Variants in AGPAT3 observed in about 807,000 individuals in gnomAD.
AGPAT3 encodes 1-acyl-sn-glycerol-3-phosphate acyltransferase gamma.
A neutral mutation model predicts 47.3 loss-of-function variants in AGPAT3; 5 were observed. The ratio of observed to expected loss-of-function variants is 0.11; its 90% CI spans 0.06 to 0.22. AGPAT3 has a LOEUF of 0.22. AGPAT3 is among the 10% of genes least tolerant of loss of function. The pLI, the probability that AGPAT3 is intolerant of heterozygous loss-of-function variation, is 1.00. For missense variants in AGPAT3, 315 were observed against 493.0 expected (o/e 0.64, Z 3.42); for synonymous variants, 212 against 208.3 (o/e 1.02, Z -0.15).
rs2030364197 is a variant in AGPAT3, at chr21:43,986,987, C to G, written c.*4595C>G. Among the ~76,000 whole-genome samples the G allele has an allele frequency of 6.6e-6, 1 of 152,224 alleles. No individual in the cohort carries two copies. The highest frequency in any genetic ancestry group is 2.1e-4 in the South Asian group (1 of 4,832). On this transcript the variant is annotated 3_prime_UTR_variant, in exon 10 of 10. Coordinates refer to ENST00000291572, the MANE Select transcript of AGPAT3 (RefSeq NM_020132.5). ...TGTCCCAAAGGCCTGGCTGCGTTTG[C>G]CGTGCTGTGCGAGGACCTGTGTACA...
chr21:43,957,661 G>A (rs1208879596), intron 2 of AGPAT3, among the ~76,000 whole-genome samples: 2 of 147,206 alleles, frequency 1.4e-5, no homozygotes, highest in South Asian at 2.2e-4. Context: ...CCCTCCACAC[G>A]GGGGTCTCGG....
Position 43,908,389 on chromosome 21 carries a change from C to T in AGPAT3, c.-49+4370C>T, listed in dbSNP as rs757845814. Among the ~76,000 whole-genome samples the T allele has an allele frequency of 2.6e-5, 4 of 152,186 alleles. No individual in the cohort carries two copies. Among genetic ancestry groups the T allele is most frequent in the African/African-American group, 7.2e-5 (3 of 41,438 alleles). On this transcript the variant is annotated intron_variant, in intron 2 of 9. Coordinates refer to ENST00000291572, the MANE Select transcript of AGPAT3 (RefSeq NM_020132.5). This position sits in a 1 kb window ranked among gnomAD's most constrained non-coding sequence, Gnocchi z 4.9. Reference sequence around the variant, plus strand: ...GTGTTGAGCCCCGGCCCTTCTCGATCAGAAAGGAGGTGTCCCGATCAGGGG... The same window carrying T: ...GTGTTGAGCCCCGGCCCTTCTCGATTAGAAAGGAGGTGTCCCGATCAGGGG...
intron 2 of AGPAT3, among the ~76,000 whole-genome samples, chr21:43,924,487 A>G (rs894756349): frequency 3.9e-5 from 6 of 152,212 alleles, no homozygotes; most frequent in African/African-American, 1.4e-4. Context: ...ACAGCTCCCC[A>G]GGTCCGCTCC....
At chr21:43,973,304 G>A (rs564437387) in intron 7 of AGPAT3, among the ~76,000 whole-genome samples, 5 of 152,224 alleles carry the variant, frequency 3.3e-5, no homozygotes, top group African/African-American at 1.2e-4. Context: ...GGCCCTGGAC[G>A]GTCCAGATGG....
chr21:43,921,918 G>T (rs1466901017), intron 2 of AGPAT3, among the ~76,000 whole-genome samples: 2 of 152,086 alleles, frequency 1.3e-5, no homozygotes, highest in African/African-American at 4.8e-5. Context: ...CAAGGTGTGG[G>T]GTGAGTGTGG....
Position 43,922,933 on chromosome 21 carries a change from G to A in AGPAT3, c.-49+18914G>A, listed in dbSNP as rs1197249535. ...GGGGCGCCTGTCCCCAGCGGGGCGG[G>A]CTCTGGGGTGCGAGCGTCTGTTCTG... On this transcript the variant is annotated intron_variant, in intron 2 of 9. Transcript: ENST00000291572. This position sits in a 1 kb window ranked among gnomAD's most constrained non-coding sequence, Gnocchi z 4.9. 6.6e-6 allele frequency among the ~76,000 whole-genome samples: 1 copy of A among 152,230 alleles called. No individual in the cohort carries two copies. The highest frequency in any genetic ancestry group is 1.5e-5 in the Non-Finnish European group (1 of 68,028).
At chr21:43,898,096 G>C (rs1177926885) in intron 1 of AGPAT3, among the ~76,000 whole-genome samples, 1 of 152,160 alleles carries the variant, frequency 6.6e-6, no homozygotes, top group Non-Finnish European at 1.5e-5. Context: ...GTCCAGCCTC[G>C]GTAACAGAGG....
chr21:43,970,865 C>CT lies in AGPAT3; in HGVS notation c.664+62dup. On this transcript the variant is annotated intron_variant, in intron 6 of 9. Coordinates refer to ENST00000291572, the MANE Select transcript of AGPAT3 (RefSeq NM_020132.5). This position sits in a 1 kb window ranked among gnomAD's most constrained non-coding sequence, Gnocchi z 5.8. ...CTATGCTCACGGAAAATAGTGATTTCTTTAAAAAAAAAAAAAATGAGTGCA... is the reference window on the plus strand; with the variant it reads ...CTATGCTCACGGAAAATAGTGATTTCTTTTAAAAAAAAAAAAAATGAGTGCA... 2 of 1,318,146 alleles carry CT rather than the reference C, an allele frequency of 1.5e-6. No homozygotes were observed. The highest frequency in any genetic ancestry group is 9.8e-7 in the Non-Finnish European group (1 of 1,022,176). 81.7% of individuals were successfully genotyped at this position (1,318,146 alleles called of 1,614,324 possible).
chr21:43,935,645 G>C (rs1251552462), intron 2 of AGPAT3, among the ~76,000 whole-genome samples: 1 of 152,226 alleles, frequency 6.6e-6, no homozygotes, highest in East Asian at 1.9e-4. Flanking sequence ...TCAGGGCTGG[G>C]TCTGCCTGGC....
chr21:43,899,283 C>T (rs2086297526), intron 1 of AGPAT3, among the ~76,000 whole-genome samples: 1 of 152,200 alleles, frequency 6.6e-6, no homozygotes, highest in Non-Finnish European at 1.5e-5. Flanking sequence ...TCAGCCTCTG[C>T]TTGGCGTCAG....
chr21:43,948,836 A>T (rs1006665246), intron 2 of AGPAT3, among the ~76,000 whole-genome samples: 7 of 152,234 alleles, frequency 4.6e-5, no homozygotes, highest in African/African-American at 1.7e-4. Context: ...ACGAACGTGT[A>T]GTCAGTGCTT....
At chr21:43,886,585 T>C (rs1473853681) in intron 1 of AGPAT3, among the ~76,000 whole-genome samples, 1 of 152,174 alleles carries the variant, frequency 6.6e-6, no homozygotes, top group African/African-American at 2.4e-5. Context: ...TTCTAACTAA[T>C]TTTTATACCC....
chr21:43,962,715 A>T (rs2088935024), intron 3 of AGPAT3, among the ~76,000 whole-genome samples: 1 of 152,222 alleles, frequency 6.6e-6, no homozygotes. Flanking sequence ...AGGACTCTTG[A>T]GCGAGGGCGC....
In AGPAT3 at chr21:43,981,325, C is replaced by T. The variant is rs989181220; in HGVS notation, c.1042+138C>T. ...GTTATGGACCCTGGAGCCAGGATCC[C>T]CCCACGGCCTGCGGGCCTCAGAGCC... is the stretch of plus-strand genomic sequence containing the variant. On this transcript the variant is annotated intron_variant, in intron 9 of 9. Transcript: ENST00000291572. The surrounding 1 kb of genome is among the most constrained non-coding windows in gnomAD (Gnocchi z 5.3). 3 of 950,486 alleles carry T rather than the reference C, an allele frequency of 3.2e-6. No homozygotes were observed. The African/African-American group carries it at 4.8e-5, about 15-fold the overall frequency. 58.9% of individuals were successfully genotyped at this position (950,486 alleles called of 1,614,324 possible). A position where few individuals can be genotyped will look rare whatever the true frequency, so the allele number is the denominator to read the frequency against.
At chr21:43,879,985 G>C (rs1279585338) in intron 1 of AGPAT3, among the ~76,000 whole-genome samples, 1 of 152,188 alleles carries the variant, frequency 6.6e-6, no homozygotes, top group African/African-American at 2.4e-5. Context: ...GAGAAGACGT[G>C]GGTTCTGCCC....
intron 1 of AGPAT3, among the ~76,000 whole-genome samples, chr21:43,885,299 C>T (rs976802862): frequency 2.0e-5 from 3 of 152,214 alleles, no homozygotes; most frequent in Non-Finnish European, 4.4e-5. Context: ...CACTTCTCTG[C>T]TTCGTGTGTT....
intron 2 of AGPAT3, among the ~76,000 whole-genome samples, chr21:43,919,380 A>G (rs2086838292): frequency 6.6e-6 from 1 of 152,182 alleles, no homozygotes; most frequent in South Asian, 2.1e-4. Flanking sequence ...GCTCCCACTT[A>G]TAAGTGAGAA....
chr21:43,909,982 G>A (rs9981524), intron 2 of AGPAT3, among the ~76,000 whole-genome samples: 1,816 of 152,272 alleles, frequency 0.012, 34 homozygotes, highest in African/African-American at 0.042. Context: ...CCCTGGACTG[G>A]GAGTTTAGGA....
In AGPAT3 at chr21:43,969,294, C is replaced by T; in HGVS notation, c.510+15C>T. 6.2e-7 allele frequency: 1 copy of T among 1,613,244 alleles called. No individual in the cohort carries two copies. Among genetic ancestry groups the T allele is most frequent in the Non-Finnish European group, 8.5e-7 (1 of 1,179,334 alleles). ...AGTACATGTGGGTGAGTGCGCGGAG[C>T]AGCCCGATACCCTGCATGCCTGGAG... On this transcript the variant is annotated intron_variant, in intron 5 of 9. Coordinates refer to ENST00000291572, the MANE Select transcript of AGPAT3 (RefSeq NM_020132.5).
Sources: gnomAD v4.1 joint callset for allele counts (sites outside exome capture counted in the v4.1 genomes callset) on GRCh38, gnomAD v4.1.1 for gene constraint, Gnocchi (gnomAD v3.1) non-coding constraint, MANE v1.5 for transcripts, NCBI Gene and HGNC (gene_info 2026-07-23, HGNC 2026-07-21) for gene names.